PNPT1: variants seen among roughly 807,000 people sequenced by gnomAD.
The protein encoded by PNPT1 is polyribonucleotide nucleotidyltransferase 1, mitochondrial.
In PNPT1, 53 loss-of-function variants were observed where a neutral mutation model predicts 119.5. The observed-to-expected ratio is 0.44, with a 90% CI of 0.36 to 0.56. The LOEUF (loss-of-function observed/expected upper bound fraction) is 0.56. Ranked by LOEUF, PNPT1 falls within the 20% of genes least tolerant of loss-of-function variation. The pLI is 0.00. For synonymous variants in PNPT1, 357 were observed against 322.1 expected, an observed-to-expected ratio of 1.11 and a Z score of -1.16; for missense variants, 948 against 938.5, an observed-to-expected ratio of 1.01 and a Z score of -0.13.
intron 1 of PNPT1, 67 bp downstream of exon 1, chr2:55,693,596 T>G: frequency 6.3e-7 from 1 of 1,586,312 alleles, no homozygotes; most frequent in Non-Finnish European, 8.6e-7. Flanking sequence ...CCCTGGGAGA[T>G]GAATACGCTC....
chr2:55,639,744 G>T (rs1044383063), intron 26 of PNPT1, among the ~76,000 whole-genome samples: 1 of 151,846 alleles, frequency 6.6e-6, no homozygotes, highest in African/African-American at 2.4e-5. Flanking sequence ...AAAATTATGG[G>T]GTCAAATTTT....
chr2:55,670,615 G>A (rs143080160), intron 11 of PNPT1, among the ~76,000 whole-genome samples: 5 of 152,116 alleles, frequency 3.3e-5, no homozygotes, highest in African/African-American at 7.2e-5. Flanking sequence ...GAACACTTAC[G>A]GTGTGGCAGG....
intron 3 of PNPT1, among the ~76,000 whole-genome samples, chr2:55,685,769 A>G (rs758907474): frequency 3.3e-5 from 5 of 152,214 alleles, no homozygotes; most frequent in African/African-American, 9.7e-5. Context: ...CCTCTTGCAG[A>G]TATCAAAATC....
intron 18 of PNPT1, among the ~76,000 whole-genome samples, chr2:55,654,205 C>T (rs1207257718): frequency 6.8e-6 from 1 of 146,754 alleles, no homozygotes; most frequent in Non-Finnish European, 1.5e-5. Context: ...TGCAGTGAGC[C>T]GAGACTGCAC....
intron 8 of PNPT1, among the ~76,000 whole-genome samples, chr2:55,674,312 G>C (rs1424960012): frequency 6.6e-6 from 1 of 152,186 alleles, no homozygotes; most frequent in Non-Finnish European, 1.5e-5. Flanking sequence ...TAAATATAGA[G>C]GCTGAGCGTG....
intron 8 of PNPT1, among the ~76,000 whole-genome samples, chr2:55,675,645 G>C (rs531061042): frequency 1.3e-5 from 2 of 151,972 alleles, no homozygotes; most frequent in Non-Finnish European, 2.9e-5. Context: ...CTGTAGTGAT[G>C]TATAATCACA....
intron 18 of PNPT1, among the ~76,000 whole-genome samples, chr2:55,651,204 C>T (rs62165226): frequency 0.35 from 48,867 of 138,650 alleles, 3,360 homozygotes; most frequent in Non-Finnish European, 0.41. Flanking sequence ...GTGAGGGGCG[C>T]CTCTGCCCGG....
rs745401550 is a variant in PNPT1 at position 55,643,232 on chromosome 2, C to G, written c.2014-19G>C. 6.8e-6 allele frequency: 11 copies of G among 1,613,874 alleles called. No homozygotes were observed. The Admixed American group carries it at 8.3e-5, about 12-fold the overall frequency. ...GCTCCTGCTGTAAGTGCAAAATAAG[C>G]CATAAGATTCATAAAGAAAACATCA... On this transcript the variant is annotated intron_variant, in intron 24 of 27. Transcript: ENST00000447944.
At chr2:55,684,854 T>A (rs1311708451) in intron 4 of PNPT1, 89 bp downstream of exon 4, 2 of 1,352,316 alleles carry the variant, frequency 1.5e-6, no homozygotes, top group African/African-American at 2.9e-5. Flanking sequence ...AAGGAAAACT[T>A]AAGACTTATT....
rs187269184 is a variant in PNPT1 at position 55,647,520 on chromosome 2, C to A, written c.1496-67G>T. On this transcript the variant is annotated intron_variant, in intron 18 of 27. Transcript: ENST00000447944. ...GAGCCTAAAACAAATATTTATCTAT[C>A]AATTTTTTTTTTTTTTTGAGAGGGA... 5.4e-4 allele frequency: 648 copies of A among 1,193,032 alleles called. 3 individuals carry two copies. In the East Asian group the frequency reaches 0.01, roughly 19 times the overall value. 73.9% of individuals were successfully genotyped at this position (1,193,032 alleles called of 1,614,324 possible).
At chr2:55,658,351 G>C (rs1236134891) in intron 15 of PNPT1, among the ~76,000 whole-genome samples, 1 of 152,174 alleles carries the variant, frequency 6.6e-6, no homozygotes, top group Non-Finnish European at 1.5e-5. Context: ...ACTTAGGAGA[G>C]TAGTTACCTA....
chr2:55,657,055 G>T (rs555128862), intron 15 of PNPT1, among the ~76,000 whole-genome samples: 1 of 152,172 alleles, frequency 6.6e-6, no homozygotes, highest in African/African-American at 2.4e-5. Context: ...CAGGCCGGGC[G>T]CAGTGGCTCA....
chr2:55,636,320 T>C lies in PNPT1; in HGVS notation c.2269A>G (p.Thr757Ala). 2 of 1,614,144 alleles carry C rather than the reference T, an allele frequency of 1.2e-6. No individual in the cohort carries two copies. Among genetic ancestry groups the C allele is most frequent in the Non-Finnish European group, 1.7e-6 (2 of 1,179,988 alleles). The change falls in exon 28 of 28, where the codon ACA (threonine) becomes GCA (alanine). Residue 757 changes from threonine (T) to alanine (A), a missense_variant. Physicochemically the swap from Thr to Ala is moderately conservative, Grantham distance 58. Transcript: ENST00000447944. ...LSRKVLQSPA[T>A]TVVRTLNDRS... Reference sequence around the variant, plus strand: ...TCATTCAAAGTTCTGACCACGGTTGTAGCTGGCGACTGAAGCACTTTTCGA... The same window carrying C: ...TCATTCAAAGTTCTGACCACGGTTGCAGCTGGCGACTGAAGCACTTTTCGA...
intron 15 of PNPT1, among the ~76,000 whole-genome samples, chr2:55,658,835 G>A (rs1283277759): frequency 6.6e-6 from 1 of 152,208 alleles, no homozygotes; most frequent in East Asian, 1.9e-4. Flanking sequence ...ACAAAAAAAT[G>A]TTCTCTATTG....
chr2:55,666,671 C>T (rs1028689006), intron 13 of PNPT1, among the ~76,000 whole-genome samples: 1 of 152,030 alleles, frequency 6.6e-6, no homozygotes, highest in Non-Finnish European at 1.5e-5. Flanking sequence ...AAGACCTTGT[C>T]TCTACAAAAA....
At chr2:55,690,737 G>A (rs921078614) in intron 1 of PNPT1, among the ~76,000 whole-genome samples, 5 of 151,880 alleles carry the variant, frequency 3.3e-5, no homozygotes, top group Admixed American at 3.3e-4. Context: ...AATTCTAGTT[G>A]GGTTTCTATT....
intron 18 of PNPT1, among the ~76,000 whole-genome samples, chr2:55,654,375 G>A (rs1259654231): frequency 6.6e-6 from 1 of 152,184 alleles, no homozygotes; most frequent in East Asian, 1.9e-4. Context: ...ACACGCCTGA[G>A]TGGCATTGTT....
intron 26 of PNPT1, among the ~76,000 whole-genome samples, chr2:55,638,659 C>T (rs1695750636): frequency 6.6e-6 from 1 of 152,084 alleles, no homozygotes; most frequent in East Asian, 1.9e-4. Context: ...AAAACCCTCT[C>T]AAGTTGTAGA....
At chr2:55,680,955 TCATTTAGGTTAA>T (rs1357956589) in intron 5 of PNPT1, 37 bp from the exon 6 acceptor site, 1 of 1,543,764 alleles carries the variant, frequency 6.5e-7, no homozygotes, top group Admixed American at 1.7e-5. Flanking sequence ...GGAAGGGTTA[TCATTTAGGTTAA>T]CATCCTGACC....
Sources: gnomAD v4.1 joint callset for allele counts (sites outside exome capture counted in the v4.1 genomes callset) on GRCh38, gnomAD v4.1.1 for gene constraint, MANE v1.5 for transcripts, NCBI Gene and HGNC (gene_info 2026-07-23, HGNC 2026-07-21) for gene names.